Variants in GALC observed in about 807,000 individuals in gnomAD.
GALC encodes the protein galactosylceramidase.
A neutral mutation model predicts 91.8 loss-of-function variants in GALC; 77 were observed. The observed-to-expected ratio is 0.84, with a 90% confidence interval of 0.70 to 1.01. GALC has a LOEUF of 1.01. Among genes scored for constraint, GALC ranks in the 50% least tolerant of loss-of-function variants. The pLI is 0.00. For synonymous variants in GALC, 357 were observed against 306.7 expected, an observed-to-expected ratio of 1.16 and a Z score of -1.71; for missense variants, 882 against 855.9, an observed-to-expected ratio of 1.03 and a Z score of -0.38.
At chr14:87,942,881 G>C (rs1400583091) in intron 14 of GALC, among the ~76,000 whole-genome samples, 1 of 151,966 alleles carries the variant, frequency 6.6e-6, no homozygotes, top group South Asian at 2.1e-4. Context: ...GACATCAGAG[G>C]GAGTTTTCTC....
chr14:87,986,486 T>A lies in GALC; in HGVS notation c.442+3A>T. 2.6e-6 allele frequency: 4 copies of A among 1,537,932 alleles called. No homozygotes were observed. The highest frequency in any genetic ancestry group is 3.6e-6 in the Non-Finnish European group (4 of 1,110,760). ...AAGAAACATTGCAAACTTCATTTCT[T>A]ACCAATGAGTGTAATATTGGGATTC... is the stretch of plus-strand genomic sequence containing the variant. On this transcript the variant is annotated splice_donor_region_variant and intron_variant, in intron 4 of 16. Coordinates refer to ENST00000261304, the MANE Select transcript of GALC (RefSeq NM_000153.4).
rs1172612470 is a variant in GALC, at chr14:87,986,571, T to C, written c.360A>G (p.Ala120=). 2 of 1,613,736 alleles carry C rather than the reference T, an allele frequency of 1.2e-6. No homozygotes were observed. Among genetic ancestry groups the C allele is most frequent in the Non-Finnish European group, 1.7e-6 (2 of 1,179,688 alleles). The change falls in exon 4 of 17, where the codon GCA becomes GCG. Residue 120 remains alanine, a synonymous_variant. Coordinates refer to ENST00000261304, the MANE Select transcript of GALC (RefSeq NM_000153.4). Reference sequence around the variant, plus strand: ...ATCCTCGGAAATAATTCTCATCTAGTGCATAATGCATGTGGGAGGGCTCAG... The same window carrying C: ...ATCCTCGGAAATAATTCTCATCTAGCGCATAATGCATGTGGGAGGGCTCAG... ...DGTEPSHMHY[A]LDENYFRGYE... is the part of the protein sequence containing the mutation.
intron 8 of GALC, among the ~76,000 whole-genome samples, chr14:87,966,083 A>T (rs1886042216): frequency 6.6e-6 from 1 of 152,176 alleles, no homozygotes; most frequent in African/African-American, 2.4e-5. Context: ...ATTGAGAATT[A>T]TTGGAGTCAG....
At chr14:87,992,129 C>T (rs1207558499) in intron 1 of GALC, among the ~76,000 whole-genome samples, 1 of 152,184 alleles carries the variant, frequency 6.6e-6, no homozygotes, top group Non-Finnish European at 1.5e-5. Flanking sequence ...TGTGGTCACA[C>T]TACAGACCAG....
chr14:87,992,618 G>GC (rs1567018733), intron 1 of GALC: 1 of 1,447,566 alleles, frequency 6.9e-7, no homozygotes, highest in East Asian at 2.5e-5. Flanking sequence ...CTCCCCGACT[G>GC]CCATCTCCGC....
intron 14 of GALC, among the ~76,000 whole-genome samples, chr14:87,944,271 C>T (rs1884976384): frequency 6.6e-6 from 1 of 151,778 alleles, no homozygotes; most frequent in Admixed American, 6.6e-5. Flanking sequence ...GGAGTCCCAG[C>T]CAGAAATAAG....
chr14:87,987,673 C>T (rs1255875234), intron 3 of GALC: 1 of 162,796 alleles, frequency 6.1e-6, no homozygotes. Context: ...ACATGGACTA[C>T]ATAAAGCCAA....
chr14:87,953,748 T>C, intron 10 of GALC: 12 of 1,605,406 alleles, frequency 7.5e-6, no homozygotes, highest in Non-Finnish European at 1.0e-5. Context: ...ATCAGAGGAA[T>C]GTGTCTGAAT....
chr14:87,953,920 T>A, intron 10 of GALC: 1 of 1,610,210 alleles, frequency 6.2e-7, no homozygotes. Flanking sequence ...GTTACAGTAA[T>A]TGATCAATCA....
chr14:87,992,423 C>A, intron 1 of GALC: 1 of 1,535,542 alleles, frequency 6.5e-7, no homozygotes, highest in Non-Finnish European at 8.7e-7. Context: ...CAAACGAAAT[C>A]CTATTCGGCG....
intron 10 of GALC, chr14:87,954,938 T>C (rs1885461512): frequency 1.3e-6 from 2 of 1,515,552 alleles, no homozygotes; most frequent in Non-Finnish European, 1.8e-6. Flanking sequence ...TACATCCGTG[T>C]AGACTCAAAG....
At position 87,968,452 on chromosome 14, in the gene GALC, T is replaced by C. The variant is rs371830888; in HGVS notation, c.791A>G (p.Lys264Arg). 9 of 1,613,820 alleles carry C rather than the reference T, an allele frequency of 5.6e-6. No individual in the cohort carries two copies. Among genetic ancestry groups the C allele is most frequent in the Non-Finnish European group, 7.6e-6 (9 of 1,179,906 alleles). ...YPGTHSAKDA[K>R]LTGKKLWSSE... ...AGACCAAAGCTTCTTCCCAGTCAAC[T>C]TTGCATCTTTTGCTGAATGGGTTCC... Residue 264 changes from lysine (K) to arginine (R), a missense_variant, in exon 8 of 17, where the codon AAG becomes AGG. Coordinates refer to ENST00000261304, the MANE Select transcript of GALC (RefSeq NM_000153.4).
chr14:87,992,473 C>T, intron 1 of GALC: 1 of 1,532,298 alleles, frequency 6.5e-7, no homozygotes, highest in South Asian at 1.2e-5. Context: ...CCTGCACTAA[C>T]AACTGCACGG....
chr14:87,987,962 C>T, intron 3 of GALC, 182 bp downstream of exon 3: 1 of 577,610 alleles, frequency 1.7e-6, no homozygotes, highest in Non-Finnish European at 3.1e-6. Context: ...TTTGATGGAC[C>T]AGTCATATTC....
intron 1 of GALC, among the ~76,000 whole-genome samples, chr14:87,992,086 G>GA (rs111733900): frequency 0.11 from 16,966 of 152,114 alleles, 1,110 homozygotes; most frequent in Non-Finnish European, 0.15. Flanking sequence ...ACTCCAGGGG[G>GA]AAAAAAATTT....
At chr14:87,973,824 C>A (rs1886391188) in intron 7 of GALC, among the ~76,000 whole-genome samples, 1 of 152,144 alleles carries the variant, frequency 6.6e-6, no homozygotes, top group Non-Finnish European at 1.5e-5. Context: ...CCATCGGATT[C>A]CAGTGGCACC....
chr14:87,946,957 T>C (rs1035936279), intron 13 of GALC, among the ~76,000 whole-genome samples: 4 of 151,844 alleles, frequency 2.6e-5, no homozygotes, highest in African/African-American at 9.7e-5. Flanking sequence ...GGAGTGTCCA[T>C]CTTTGGTGGA....
Position 87,988,470 on chromosome 14 carries a change from C to T in GALC, c.249G>A (p.Leu83=). ...NYPEPYRSQI[L]DYLFKPNFGA... ...TTTTCATTACCTTAAAGAGATAATCCAATATCTGAGAACGATAGGGCTCTG... is the reference window on the plus strand; with the variant it reads ...TTTTCATTACCTTAAAGAGATAATCTAATATCTGAGAACGATAGGGCTCTG... Residue 83 remains leucine (L), a synonymous_variant, in exon 2 of 17, where the codon TTG becomes TTA. Coordinates refer to ENST00000261304, the MANE Select transcript of GALC (RefSeq NM_000153.4). The T allele has an allele frequency of 6.2e-7, 1 of 1,605,210 alleles. No homozygotes were observed. Among genetic ancestry groups the T allele is most frequent in the Non-Finnish European group, 8.5e-7 (1 of 1,172,168 alleles).
intron 14 of GALC, among the ~76,000 whole-genome samples, chr14:87,944,990 G>C (rs1472488964): frequency 1.3e-5 from 2 of 151,938 alleles, no homozygotes; most frequent in African/African-American, 2.4e-5. Context: ...AAAGAGGAAG[G>C]GAAAGTTTTA....
Sources: allele counts gnomAD v4.1 joint callset (sites outside exome capture counted in the v4.1 genomes callset), GRCh38; gene constraint gnomAD v4.1.1; transcripts MANE v1.5; gene names NCBI Gene and HGNC (gene_info 2026-07-23, HGNC 2026-07-21).